HS3ST4: variants seen among roughly 807,000 people sequenced by gnomAD.
HS3ST4 encodes the protein heparan sulfate glucosamine 3-O-sulfotransferase 4.
In HS3ST4, 17 loss-of-function variants were observed where a neutral mutation model predicts 29.2. That is an observed-to-expected ratio of 0.58 (90% confidence interval 0.40 to 0.87). The LOEUF (loss-of-function observed/expected upper bound fraction) is 0.87. HS3ST4 is among the 40% of genes least tolerant of loss of function. The pLI, the probability that HS3ST4 is intolerant of heterozygous loss-of-function variation, is 0.00. For missense variants in HS3ST4, 627 were observed against 634.5 expected, an observed-to-expected ratio of 0.99 and a Z score of 0.13; for synonymous variants, 314 against 285.7, an observed-to-expected ratio of 1.10 and a Z score of -1.00.
At chr16:25,864,240 G>A (rs78591717) in intron 1 of HS3ST4, among the ~76,000 whole-genome samples, 23 of 152,278 alleles carry the variant, frequency 1.5e-4, no homozygotes, top group East Asian at 1.3e-3. Flanking sequence ...CTTGATATGC[G>A]TATGCAATGT....
intron 1 of HS3ST4, among the ~76,000 whole-genome samples, chr16:25,925,485 G>A (rs1968393064): frequency 1.3e-5 from 2 of 152,164 alleles, no homozygotes; most frequent in East Asian, 1.9e-4. Context: ...CACAGATTAC[G>A]CCGCGACGCT....
chr16:25,709,889 A>G (rs1301982769), intron 1 of HS3ST4, among the ~76,000 whole-genome samples: 1 of 152,156 alleles, frequency 6.6e-6, no homozygotes, highest in African/African-American at 2.4e-5. Flanking sequence ...AGAAAATTTT[A>G]AAGGAATTGT....
chr16:26,135,467 T>G (rs1782157474), intron 1 of HS3ST4, 145 bp from the exon 2 acceptor site: 1 of 764,144 alleles, frequency 1.3e-6, no homozygotes. Context: ...AGTCAGGAGA[T>G]ATAGGTAAGA....
intron 1 of HS3ST4, among the ~76,000 whole-genome samples, chr16:25,784,346 A>C (rs765786840): frequency 3.3e-5 from 5 of 152,212 alleles, no homozygotes; most frequent in Non-Finnish European, 7.3e-5. Flanking sequence ...ATCAGAAGCT[A>C]GAAATGATGG....
chr16:25,788,532 C>CTT (rs1966861153), intron 1 of HS3ST4, among the ~76,000 whole-genome samples: 1 of 113,688 alleles, frequency 8.8e-6, no homozygotes, highest in Non-Finnish European at 1.8e-5. Context: ...ATTTTTTTTT[C>CTT]TTTTCTTCTT....
intron 1 of HS3ST4, among the ~76,000 whole-genome samples, chr16:25,937,573 G>GGTGTCACTGGTTTTGTAGA (rs920347474): frequency 1.3e-5 from 2 of 152,142 alleles, no homozygotes; most frequent in African/African-American, 4.8e-5. Flanking sequence ...CCCGAGTGGT[G>GGTGTCACTGGTTTTGTAGA]GTGTCACTGG....
chr16:26,061,358 C>G (rs898918637), intron 1 of HS3ST4, among the ~76,000 whole-genome samples: 4 of 152,178 alleles, frequency 2.6e-5, no homozygotes, highest in Non-Finnish European at 5.9e-5. Context: ...CGGCGTGGTC[C>G]TGGCTTACAA....
At chr16:25,910,460 G>T (rs1968227635) in intron 1 of HS3ST4, among the ~76,000 whole-genome samples, 1 of 152,066 alleles carries the variant, frequency 6.6e-6, no homozygotes, top group South Asian at 2.1e-4. Flanking sequence ...GGCCAATATG[G>T]TGAAACCCTG....
chr16:25,811,934 G>A (rs1967046225), intron 1 of HS3ST4, among the ~76,000 whole-genome samples: 1 of 152,090 alleles, frequency 6.6e-6, no homozygotes, highest in African/African-American at 2.4e-5. Context: ...TAACCCCAAT[G>A]TTGTTCAAGG....
intron 1 of HS3ST4, among the ~76,000 whole-genome samples, chr16:25,788,288 G>A (rs1966860602): frequency 6.6e-6 from 1 of 151,860 alleles, no homozygotes; most frequent in Non-Finnish European, 1.5e-5. Flanking sequence ...GGTGATGGGT[G>A]TCTGTAATCC....
chr16:25,716,285 T>C (rs1039270055), intron 1 of HS3ST4, among the ~76,000 whole-genome samples: 2 of 152,234 alleles, frequency 1.3e-5, no homozygotes, highest in Non-Finnish European at 1.5e-5. Context: ...GTCTCCATTT[T>C]TCTTGGGCAC....
intron 1 of HS3ST4, among the ~76,000 whole-genome samples, chr16:26,042,406 G>A (rs764472434): frequency 6.6e-6 from 1 of 151,970 alleles, no homozygotes; most frequent in Non-Finnish European, 1.5e-5. Flanking sequence ...AAAATGGAGC[G>A]TCCATTCTCC....
chr16:25,965,399 C>CAA (rs5816338), intron 1 of HS3ST4, among the ~76,000 whole-genome samples: 77 of 129,230 alleles, frequency 6.0e-4, no homozygotes, highest in African/African-American at 1.4e-3. Flanking sequence ...AATTTCTTGT[C>CAA]AAAAAAAAAA....
At chr16:25,699,156 T>C (rs1966318364) in intron 1 of HS3ST4, among the ~76,000 whole-genome samples, 1 of 152,246 alleles carries the variant, frequency 6.6e-6, no homozygotes, top group Non-Finnish European at 1.5e-5. Flanking sequence ...GTTTGTGACC[T>C]CTGGTTTAAA....
chr16:25,786,669 C>G (rs961488149), intron 1 of HS3ST4, among the ~76,000 whole-genome samples: 1 of 152,142 alleles, frequency 6.6e-6, no homozygotes, highest in Non-Finnish European at 1.5e-5. Context: ...ACAAGTAAAT[C>G]AGACAAACAG....
chr16:25,787,097 G>A (rs565723410), intron 1 of HS3ST4, among the ~76,000 whole-genome samples: 18 of 152,250 alleles, frequency 1.2e-4, no homozygotes, highest in African/African-American at 2.6e-4. Flanking sequence ...ATTGGAAAAG[G>A]GTAATTTTCC....
At chr16:25,843,182 T>C (rs945856046) in intron 1 of HS3ST4, among the ~76,000 whole-genome samples, 3 of 152,202 alleles carry the variant, frequency 2.0e-5, no homozygotes, top group African/African-American at 7.2e-5. Context: ...CACAGTTGTG[T>C]GGGTTACTTT....
chr16:25,806,133 T>A (rs1307183270), intron 1 of HS3ST4, among the ~76,000 whole-genome samples: 2 of 152,224 alleles, frequency 1.3e-5, no homozygotes, highest in Non-Finnish European at 1.5e-5. Flanking sequence ...TGATTCCATG[T>A]CTTTGCTATT....
chr16:25,895,740 A>AAG (rs71738802), intron 1 of HS3ST4, among the ~76,000 whole-genome samples: 38 of 149,258 alleles, frequency 2.5e-4, no homozygotes, highest in African/African-American at 3.2e-4. Flanking sequence ...GAAAGAGGGA[A>AAG]AGAGAGAGAG....
Sources: allele counts gnomAD v4.1 joint callset (sites outside exome capture counted in the v4.1 genomes callset), GRCh38; gene constraint gnomAD v4.1.1; transcripts MANE v1.5; gene names NCBI Gene and HGNC (gene_info 2026-07-23, HGNC 2026-07-21).